TENM1: variants seen among roughly 807,000 people sequenced by gnomAD.
TENM1 encodes the protein teneurin transmembrane protein 1.
Under a neutral mutation model 174.8 loss-of-function variants are expected in TENM1, and 35 were observed. That is an observed-to-expected ratio of 0.20 (90% CI 0.15 to 0.27). The LOEUF is 0.27. Among genes scored for constraint, TENM1 ranks in the 10% least tolerant of loss-of-function variants. TENM1 has a pLI of 1.00. For missense variants in TENM1, 1,633 were observed against 2,130.1 expected (o/e 0.77, Z 4.59); for synonymous variants, 781 against 798.7 (o/e 0.98, Z 0.37).
intron 1 of TENM1, among the ~76,000 whole-genome samples, chrX:124,899,772 A>G (rs1408629735): frequency 8.9e-6 from 1 of 111,973 alleles, no homozygotes; most frequent in Admixed American, 9.5e-5. Flanking sequence ...CACAACAAAC[A>G]ATAGAGGTGG....
chrX:124,470,724 C>T (rs1050360339), intron 22 of TENM1, among the ~76,000 whole-genome samples: 4 of 110,541 alleles, frequency 3.6e-5, no homozygotes, highest in African/African-American at 1.3e-4. Context: ...CCTTGACTTA[C>T]GGTATTGCCC....
At chrX:124,982,743 T>C in the TENM1 span, among the ~76,000 whole-genome samples, 1 of 112,139 alleles carries the variant, frequency 8.9e-6, no homozygotes, top group African/African-American at 3.2e-5. Flanking sequence ...CTTATTCATT[T>C]AGTAAATCTT....
intron 1 of TENM1, among the ~76,000 whole-genome samples, chrX:124,899,023 A>G (rs2057611599): frequency 8.9e-6 from 1 of 111,940 alleles, no homozygotes; most frequent in Non-Finnish European, 1.9e-5. Flanking sequence ...ACTTACTTAT[A>G]GTAACCGATG....
At chrX:125,070,484 C>A in the TENM1 span, among the ~76,000 whole-genome samples, 4 of 111,017 alleles carry the variant, frequency 3.6e-5, no homozygotes, top group African/African-American at 1.3e-4. Context: ...GCTGTTTACT[C>A]CAACAGTAGT....
intron 19 of TENM1, among the ~76,000 whole-genome samples, chrX:124,498,854 T>C (rs1424522942): frequency 9.0e-6 from 1 of 111,466 alleles, no homozygotes; most frequent in Non-Finnish European, 1.9e-5. Context: ...CTTACTCCTT[T>C]CTGCATTTTA....
chrX:125,186,837 G>C, the TENM1 span, among the ~76,000 whole-genome samples: 1 of 111,883 alleles, frequency 8.9e-6, no homozygotes, highest in Non-Finnish European at 1.9e-5. Context: ...TGCCATGCTT[G>C]GTGCTAAGGA....
chrX:125,128,552 C>A, the TENM1 span, among the ~76,000 whole-genome samples: 1 of 111,468 alleles, frequency 9.0e-6, no homozygotes, highest in Non-Finnish European at 1.9e-5. Flanking sequence ...AAAACGGTCA[C>A]GTGGCACTGC....
the TENM1 span, among the ~76,000 whole-genome samples, chrX:125,075,084 C>T: frequency 9.0e-6 from 1 of 111,698 alleles, no homozygotes; most frequent in African/African-American, 3.3e-5. Context: ...TGGATATTTA[C>T]ACCATCTCCA....
the TENM1 span, among the ~76,000 whole-genome samples, chrX:125,032,491 G>C: frequency 2.7e-5 from 3 of 110,827 alleles, no homozygotes; most frequent in African/African-American, 9.8e-5. Flanking sequence ...ATATTCAATA[G>C]CCAAATTCGT....
intron 23 of TENM1, among the ~76,000 whole-genome samples, chrX:124,438,212 G>A (rs2060864892): frequency 9.0e-6 from 1 of 111,490 alleles, no homozygotes; most frequent in Non-Finnish European, 1.9e-5. Flanking sequence ...ACAGGCTTGA[G>A]CCACTGTGCC....
At chrX:124,575,176 C>G (rs2049139127) in intron 11 of TENM1, among the ~76,000 whole-genome samples, 1 of 111,999 alleles carries the variant, frequency 8.9e-6, no homozygotes, top group African/African-American at 3.2e-5. Flanking sequence ...AATACCATCT[C>G]TAACCAATCT....
chrX:124,570,103 A>G (rs2049024392), intron 11 of TENM1, among the ~76,000 whole-genome samples: 1 of 111,522 alleles, frequency 9.0e-6, no homozygotes, highest in Non-Finnish European at 1.9e-5. Context: ...TTTTGCCAAT[A>G]CATCTGAAAT....
chrX:124,467,859 A>G (rs1265745893), intron 22 of TENM1, among the ~76,000 whole-genome samples: 2 of 109,926 alleles, frequency 1.8e-5, no homozygotes, highest in Non-Finnish European at 3.8e-5. Flanking sequence ...CCCAGGTTCG[A>G]GTGATTCTTC....
Position 124,844,301 on chromosome X carries a change from GTATT to G in TENM1, c.535+49991_535+49994del, listed in dbSNP as rs766456252. On this transcript the variant is annotated intron_variant, in intron 3 of 31. Coordinates refer to ENST00000422452, the Ensembl canonical transcript of TENM1. Reference sequence around the variant, plus strand: ...TGTATTCCAGTTTATCATTTCCAATGTATTTAATTAATCAATTCCAGAATCTATT... The same window carrying G: ...TGTATTCCAGTTTATCATTTCCAATGTAATTAATCAATTCCAGAATCTATT... Among the ~76,000 whole-genome samples, 304 of 112,075 alleles carry G rather than the reference GTATT, an allele frequency of 2.7e-3. 3 individuals are homozygous for G. The highest frequency in any genetic ancestry group is 9.4e-3 in the African/African-American group (289 of 30,896).
chrX:124,539,183 C>G (rs1218556409), intron 15 of TENM1, among the ~76,000 whole-genome samples: 1 of 111,802 alleles, frequency 8.9e-6, no homozygotes, highest in Non-Finnish European at 1.9e-5. Flanking sequence ...TAAAAGTCAA[C>G]AGCAGGCTCC....
intron 11 of TENM1, among the ~76,000 whole-genome samples, chrX:124,588,934 T>C (rs2049641508): frequency 9.0e-6 from 1 of 110,561 alleles, no homozygotes; most frequent in African/African-American, 3.3e-5. Flanking sequence ...TATAGTACTA[T>C]GTTAAATAGG....
chrX:124,645,220 G>A, exon 10 of TENM1: 2 of 1,211,531 alleles, frequency 1.7e-6, no homozygotes, highest in Non-Finnish European at 2.2e-6. Flanking sequence ...GCCAAAGCAT[G>A]TTGGATCAAT....
At chrX:124,463,877 GGAGA>G (rs780069672) in intron 22 of TENM1, among the ~76,000 whole-genome samples, 1 of 96,883 alleles carries the variant, frequency 1.0e-5, no homozygotes, top group Non-Finnish European at 2.1e-5. Context: ...GTGTGTGTGT[GGAGA>G]GAGAGAGAGA....
intron 5 of TENM1, among the ~76,000 whole-genome samples, chrX:124,681,277 T>A (rs1052833696): frequency 2.7e-5 from 3 of 110,982 alleles, no homozygotes; most frequent in African/African-American, 6.5e-5. Flanking sequence ...AAACGATGAG[T>A]GATGAAAAAC....
Sources: gnomAD v4.1 joint callset for allele counts (sites outside exome capture counted in the v4.1 genomes callset) on GRCh38, gnomAD v4.1.1 for gene constraint, MANE v1.5 for transcripts, NCBI Gene and HGNC (gene_info 2026-07-23, HGNC 2026-07-21) for gene names.